Variants in TENM1 observed in about 807,000 individuals in gnomAD.
TENM1 encodes teneurin transmembrane protein 1, also known as teneurin-1.
TENM1 carries 35 observed loss-of-function variants against 174.8 expected under a neutral mutation model. That is an observed-to-expected ratio of 0.20 (90% CI 0.15 to 0.27). The LOEUF is 0.27. TENM1 is among the 10% of genes least tolerant of loss of function. The pLI is 1.00. For synonymous variants in TENM1, 781 were observed against 798.7 expected (o/e 0.98, Z 0.37); for missense variants, 1,633 against 2,130.1 (o/e 0.77, Z 4.59).
chrX:125,085,227 G>A, the TENM1 span, among the ~76,000 whole-genome samples: 1 of 110,731 alleles, frequency 9.0e-6, no homozygotes, highest in Non-Finnish European at 1.9e-5. Flanking sequence ...CTGAAATCAT[G>A]TATACAAACA....
chrX:124,474,522 T>C (rs1437996251), intron 22 of TENM1, among the ~76,000 whole-genome samples: 1 of 112,069 alleles, frequency 8.9e-6, no homozygotes, highest in Non-Finnish European at 1.9e-5. Context: ...GAAAAAGTCA[T>C]TTAATAATGC....
the TENM1 span, among the ~76,000 whole-genome samples, chrX:125,165,304 T>C: frequency 8.9e-6 from 1 of 111,903 alleles, no homozygotes; most frequent in Non-Finnish European, 1.9e-5. Flanking sequence ...TCTCTGGCTC[T>C]ATTAATAGCC....
At chrX:124,463,463 C>T (rs1212140542) in intron 22 of TENM1, among the ~76,000 whole-genome samples, 7 of 111,686 alleles carry the variant, frequency 6.3e-5, no homozygotes, top group Admixed American at 3.8e-4. Flanking sequence ...AAAATTTCCA[C>T]ACAGGCCCTG....
At chrX:125,108,362 T>C in the TENM1 span, among the ~76,000 whole-genome samples, 128 of 111,914 alleles carry the variant, frequency 1.1e-3, no homozygotes, top group Middle Eastern at 4.6e-3. Flanking sequence ...TTATTTAATC[T>C]TTGCCTCAGT....
At chrX:124,944,341 T>A (rs1271394507) in intron 1 of TENM1, among the ~76,000 whole-genome samples, 1 of 111,501 alleles carries the variant, frequency 9.0e-6, no homozygotes. Context: ...AGCATCCTGA[T>A]TAAAAAGCTG....
At chrX:124,498,025 G>A (rs2047240843) in intron 19 of TENM1, among the ~76,000 whole-genome samples, 1 of 110,956 alleles carries the variant, frequency 9.0e-6, no homozygotes, top group African/African-American at 3.3e-5. Flanking sequence ...TGGATCCCCC[G>A]CAATTACTTC....
intron 14 of TENM1, among the ~76,000 whole-genome samples, chrX:124,560,742 T>C (rs1168015139): frequency 8.9e-6 from 1 of 112,239 alleles, no homozygotes; most frequent in East Asian, 2.8e-4. Context: ...AGGAATGCAA[T>C]TGTCTAAGCA....
At chrX:125,021,541 T>C in the TENM1 span, among the ~76,000 whole-genome samples, 2 of 111,515 alleles carry the variant, frequency 1.8e-5, no homozygotes, top group Non-Finnish European at 1.9e-5. Flanking sequence ...TAGGTTTCTT[T>C]ATGAAAACCA....
intron 27 of TENM1, among the ~76,000 whole-genome samples, chrX:124,396,561 C>T (rs1274796601): frequency 9.0e-6 from 1 of 110,924 alleles, no homozygotes; most frequent in Admixed American, 9.6e-5. Flanking sequence ...ACCTCACCCT[C>T]CCAAAGTGCT....
the TENM1 span, among the ~76,000 whole-genome samples, chrX:125,197,166 T>C: frequency 8.9e-6 from 1 of 112,002 alleles, no homozygotes; most frequent in South Asian, 3.7e-4. Flanking sequence ...TTATTTTGGC[T>C]GTTTAAAAAC....
chrX:125,197,709 A>G, the TENM1 span, among the ~76,000 whole-genome samples: 1 of 111,930 alleles, frequency 8.9e-6, no homozygotes, highest in Non-Finnish European at 1.9e-5. Context: ...AGTATTCCCT[A>G]AACTGTAAAA....
At chrX:124,489,753 C>A (rs1317023430) in intron 20 of TENM1, among the ~76,000 whole-genome samples, 2 of 111,821 alleles carry the variant, frequency 1.8e-5, no homozygotes, top group Non-Finnish European at 3.8e-5. Flanking sequence ...CTCTGACTGG[C>A]CTGCACTGTG....
chrX:124,694,584 G>A (rs2052605758), intron 5 of TENM1, among the ~76,000 whole-genome samples: 1 of 112,085 alleles, frequency 8.9e-6, no homozygotes, highest in Non-Finnish European at 1.9e-5. Context: ...AGAACTCACT[G>A]TTAATATTTA....
chrX:124,556,822 T>G (rs2048706400), intron 14 of TENM1, among the ~76,000 whole-genome samples: 1 of 111,750 alleles, frequency 8.9e-6, no homozygotes, highest in Admixed American at 9.5e-5. Context: ...ATATTTTTGT[T>G]GAGAAATAAA....
intron 11 of TENM1, among the ~76,000 whole-genome samples, chrX:124,587,243 C>A (rs1417351212): frequency 9.0e-5 from 10 of 110,606 alleles, no homozygotes; most frequent in African/African-American, 3.3e-4. Context: ...CAATCCTAAG[C>A]CAAATGAACA....
At chrX:124,689,987 A>G (rs1185837314) in intron 5 of TENM1, among the ~76,000 whole-genome samples, 3 of 111,667 alleles carry the variant, frequency 2.7e-5, no homozygotes, top group Non-Finnish European at 5.6e-5. Flanking sequence ...AACTGTGGAT[A>G]AGGCAGTACT....
At chrX:124,807,170 G>A (rs1418394933) in intron 3 of TENM1, among the ~76,000 whole-genome samples, 1 of 111,746 alleles carries the variant, frequency 8.9e-6, no homozygotes, top group Non-Finnish European at 1.9e-5. Flanking sequence ...ATGGTGCTAA[G>A]TCATTCATGA....
intron 27 of TENM1, among the ~76,000 whole-genome samples, chrX:124,403,366 A>G (rs1373183164): frequency 9.2e-6 from 1 of 109,020 alleles, no homozygotes; most frequent in Non-Finnish European, 1.9e-5. Context: ...TAAAAATACA[A>G]AAAAGTAGCC....
At chrX:125,043,969 T>A in the TENM1 span, among the ~76,000 whole-genome samples, 1 of 21,154 alleles carries the variant, frequency 4.7e-5, no homozygotes, top group Non-Finnish European at 7.9e-5. Flanking sequence ...AACAATGAGA[T>A]CACATGGACA....
Sources: gnomAD v4.1 joint callset for allele counts (sites outside exome capture counted in the v4.1 genomes callset) on GRCh38, gnomAD v4.1.1 for gene constraint, MANE v1.5 for transcripts, NCBI Gene and HGNC (gene_info 2026-07-23, HGNC 2026-07-21) for gene names.